The following CRTC1 variants were observed in gnomAD, a reference collection of about 807,000 sequenced individuals.
The protein encoded by CRTC1 is CREB regulated transcription coactivator 1, also known as CREB-regulated transcription coactivator 1.
A neutral mutation model predicts 66.1 loss-of-function variants in CRTC1; 18 were observed. That is an observed-to-expected ratio of 0.27 (90% CI 0.19 to 0.40). The LOEUF (loss-of-function observed/expected upper bound fraction) is 0.40. Ranked by LOEUF, CRTC1 falls within the 10% of genes least tolerant of loss-of-function variation. The probability of loss-of-function intolerance (pLI) is 1.00; values close to 1 mark genes in which losing one functional copy is unlikely to be tolerated. For missense variants in CRTC1, 669 were observed against 887.9 expected (o/e 0.75, Z 3.13); for synonymous variants, 416 against 398.8 (o/e 1.04, Z -0.51).
chr19:18,749,998 T>C, intron 5 of CRTC1, 123 bp downstream of exon 5: 3 of 770,562 alleles, frequency 3.9e-6, no homozygotes, highest in African/African-American at 1.7e-5. Flanking sequence ...CAGACCATGC[T>C]GAGGGATCGG....
At chr19:18,740,266 A>G (rs1440413593) in intron 1 of CRTC1, among the ~76,000 whole-genome samples, 1 of 151,732 alleles carries the variant, frequency 6.6e-6, no homozygotes, top group Admixed American at 6.6e-5. Context: ...AAAAAAAAAA[A>G]TCACCCAAGG....
chr19:18,702,492 G>C (rs2145541186), intron 1 of CRTC1, among the ~76,000 whole-genome samples: 1 of 151,458 alleles, frequency 6.6e-6, no homozygotes, highest in Admixed American at 6.6e-5. Flanking sequence ...GCCTCCCAAA[G>C]TGCTGGCTTG....
intron 10 of CRTC1, among the ~76,000 whole-genome samples, chr19:18,770,989 C>T (rs912153862): frequency 6.6e-6 from 1 of 150,468 alleles, no homozygotes; most frequent in East Asian, 2.0e-4. Context: ...TGTGGGTGTG[C>T]ATGCATGGGC....
At chr19:18,775,850 G>A (rs1271299974) in intron 13 of CRTC1, 29 bp downstream of exon 13, 1 of 1,538,234 alleles carries the variant, frequency 6.5e-7, no homozygotes, top group Non-Finnish European at 8.7e-7. Context: ...CGCGTGTGCG[G>A]CGCCCCAAGG....
At chr19:18,692,155 C>G (rs1207064746) in intron 1 of CRTC1, among the ~76,000 whole-genome samples, 1 of 151,340 alleles carries the variant, frequency 6.6e-6, no homozygotes, top group Admixed American at 6.6e-5. Flanking sequence ...GAGCAAGGGC[C>G]CCTGCTACTA....
chr19:18,765,592 C>G (rs2054713454), intron 9 of CRTC1, 64 bp downstream of exon 9: 1 of 1,499,774 alleles, frequency 6.7e-7, no homozygotes, highest in Non-Finnish European at 9.0e-7. Flanking sequence ...CTGGCTCTAC[C>G]TCTTAGAAGG....
intron 1 of CRTC1, among the ~76,000 whole-genome samples, chr19:18,696,545 C>T (rs574948188): frequency 3.3e-5 from 5 of 152,238 alleles, no homozygotes; most frequent in Admixed American, 6.5e-5. Context: ...ACATGGCTGA[C>T]GGTGGGAGGA....
intron 2 of CRTC1, among the ~76,000 whole-genome samples, chr19:18,744,584 C>T (rs777005758): frequency 7.2e-5 from 11 of 152,310 alleles, no homozygotes; most frequent in Admixed American, 2.0e-4. Flanking sequence ...GTGTGGCCAG[C>T]CCCCGCTTCA....
chr19:18,732,982 G>C (rs967581042), intron 1 of CRTC1, among the ~76,000 whole-genome samples: 1 of 151,978 alleles, frequency 6.6e-6, no homozygotes, highest in Admixed American at 6.6e-5. Context: ...AACTACTCGG[G>C]AGGCTGAGGC....
chr19:18,736,775 G>C (rs2054005909), intron 1 of CRTC1, among the ~76,000 whole-genome samples: 1 of 150,382 alleles, frequency 6.6e-6, no homozygotes, highest in Non-Finnish European at 1.5e-5. Flanking sequence ...CCACAGGGAG[G>C]CCCTGGGTCT....
At chr19:18,710,626 T>A (rs1359824320) in intron 1 of CRTC1, among the ~76,000 whole-genome samples, 3 of 152,184 alleles carry the variant, frequency 2.0e-5, no homozygotes, top group Admixed American at 6.5e-5. Flanking sequence ...TTTATTTATT[T>A]TTTGAGACAG....
chr19:18,742,839 C>T, intron 1 of CRTC1, 71 bp from the exon 2 acceptor site: 1 of 1,172,048 alleles, frequency 8.5e-7, no homozygotes. Flanking sequence ...CTTTTTGTGC[C>T]TTTGGGGCTG....
intron 1 of CRTC1, among the ~76,000 whole-genome samples, chr19:18,730,379 G>A (rs1043046080): frequency 2.0e-5 from 3 of 152,084 alleles, no homozygotes; most frequent in Admixed American, 2.0e-4. Flanking sequence ...GCAGCCCCTG[G>A]ACTTTGGGGT....
intron 1 of CRTC1, among the ~76,000 whole-genome samples, chr19:18,696,758 C>A (rs915447379): frequency 3.3e-5 from 5 of 151,968 alleles, no homozygotes; most frequent in African/African-American, 1.2e-4. Flanking sequence ...GGAATGGCCC[C>A]ACCTGTGTGT....
In CRTC1 at chr19:18,768,536, T is replaced by C; in HGVS notation, c.1063T>C (p.Phe355Leu). Residue 355 changes from phenylalanine to leucine, a missense_variant, in exon 10 of 14, where the codon TTC (phenylalanine) becomes CTC (leucine). Transcript: ENST00000321949. The surrounding 1 kb of genome is among the most constrained non-coding windows in gnomAD (Gnocchi z 5.6). Reference sequence around the variant, plus strand: ...GGAGCAGCAGCTGCCCTACGCCTTCTTCACCCAGGCGGGCTCCCAGCAGCC... The same window carrying C: ...GGAGCAGCAGCTGCCCTACGCCTTCCTCACCCAGGCGGGCTCCCAGCAGCC... ...SLEQQLPYAFFTQAGSQQPPP... is the reference protein window; with the variant it reads ...SLEQQLPYAFLTQAGSQQPPP... 1 of 1,608,830 alleles carries C rather than the reference T, an allele frequency of 6.2e-7. No homozygotes were observed.
At chr19:18,693,804 C>T (rs985696064) in intron 1 of CRTC1, among the ~76,000 whole-genome samples, 8 of 151,654 alleles carry the variant, frequency 5.3e-5, no homozygotes, top group Admixed American at 4.6e-4. Flanking sequence ...TGTTTGCAGG[C>T]ACACTGATGT....
intron 4 of CRTC1, among the ~76,000 whole-genome samples, 179 bp downstream of exon 4, chr19:18,747,293 A>G (rs1414134431): frequency 6.6e-6 from 1 of 152,074 alleles, no homozygotes. Flanking sequence ...CAGCTTTGGG[A>G]GGTCTTCTAA....
At chr19:18,713,870 A>C (rs1282829465) in intron 1 of CRTC1, among the ~76,000 whole-genome samples, 1 of 152,224 alleles carries the variant, frequency 6.6e-6, no homozygotes, top group East Asian at 1.9e-4. Context: ...ACAGCCCTGC[A>C]GTATCTGCTG....
intron 1 of CRTC1, among the ~76,000 whole-genome samples, chr19:18,706,223 T>A (rs995362160): frequency 9.0e-6 from 1 of 110,800 alleles, no homozygotes; most frequent in African/African-American, 3.6e-5. Flanking sequence ...TTTTTTTTTT[T>A]AGACAGAGTC....
Sources: allele counts gnomAD v4.1 joint callset (sites outside exome capture counted in the v4.1 genomes callset), GRCh38; gene constraint gnomAD v4.1.1; non-coding constraint Gnocchi (gnomAD v3.1); transcripts MANE v1.5; gene names NCBI Gene and HGNC (gene_info 2026-07-23, HGNC 2026-07-21).